POM121C: variants seen among roughly 807,000 people sequenced by gnomAD.
POM121C encodes the protein POM121 transmembrane nucleoporin C, also known as nuclear envelope pore membrane protein POM 121C.
Under a neutral mutation model 66.4 loss-of-function variants are expected in POM121C, and 20 were observed. That is an observed-to-expected ratio of 0.30 (90% CI 0.21 to 0.44). POM121C has a LOEUF of 0.44. Among genes scored for constraint, POM121C ranks in the 20% least tolerant of loss-of-function variants. The pLI is 1.00. For missense variants in POM121C, 580 were observed against 1,225.7 expected, an observed-to-expected ratio of 0.47 and a Z score of 7.87; for synonymous variants, 286 against 528.0, an observed-to-expected ratio of 0.54 and a Z score of 6.28.
In POM121C at chr7:75,424,516, T is replaced by C. The variant is rs782758104; in HGVS notation, c.871+10A>G. The C allele has an allele frequency of 2.5e-6, 4 of 1,612,928 alleles. No homozygotes were observed. In the South Asian group the frequency reaches 4.4e-5, roughly 18 times the overall value. On this transcript the variant is annotated intron_variant, in intron 11 of 14. Transcript: ENST00000615331. The stretch of plus-strand genomic sequence containing the variant: ...AACCTCTCGAGAGTGCAACGATCTG[T>C]GCTCCTTACCACTCTTGTCCTCCAA...
At chr7:75,482,139 C>A (rs1485874979) in intron 1 of POM121C, among the ~76,000 whole-genome samples, 2 of 151,948 alleles carry the variant, frequency 1.3e-5, no homozygotes, top group Admixed American at 6.6e-5. Context: ...GTAACATAAT[C>A]CAAACTGAGG....
At chr7:75,433,504 C>T (rs1235204724) in intron 7 of POM121C, among the ~76,000 whole-genome samples, 4 of 151,848 alleles carry the variant, frequency 2.6e-5, no homozygotes, top group East Asian at 3.9e-4. Context: ...TACAGGTGCC[C>T]GCCACCACGC....
At chr7:75,443,375 T>C (rs1436656187) in intron 3 of POM121C, among the ~76,000 whole-genome samples, 2 of 152,146 alleles carry the variant, frequency 1.3e-5, no homozygotes, top group Non-Finnish European at 2.9e-5. Context: ...TAAAATTAGA[T>C]TGTGTTGGCG....
intron 7 of POM121C, among the ~76,000 whole-genome samples, chr7:75,428,485 T>C (rs1790047312): frequency 6.6e-6 from 1 of 152,228 alleles, no homozygotes; most frequent in Non-Finnish European, 1.5e-5. Flanking sequence ...CAGTGGCTCA[T>C]GCCTGTAATC....
rs587607660 is a variant in POM121C, at chr7:75,479,509, A to G, written c.-457-4321T>C. On this transcript the variant is annotated intron_variant, in intron 1 of 14. Coordinates refer to ENST00000615331, the MANE Select transcript of POM121C (RefSeq NM_001099415.3). Reference sequence around the variant, plus strand: ...TGGGTGTCTGTAATCCCAGCTACCCAGGAGGCTGAGGCAGGAGAATCACTT... The same window carrying G: ...TGGGTGTCTGTAATCCCAGCTACCCGGGAGGCTGAGGCAGGAGAATCACTT... Among the ~76,000 whole-genome samples, 526 of 148,384 alleles carry G rather than the reference A, an allele frequency of 3.5e-3. 13 individuals carry two copies. The East Asian group carries it at 0.038, about 11-fold the overall frequency.
chr7:75,479,526 G>C (rs1352593101), intron 1 of POM121C, among the ~76,000 whole-genome samples: 2 of 147,612 alleles, frequency 1.4e-5, no homozygotes, highest in Non-Finnish European at 2.9e-5. Context: ...TGAGGCAGGA[G>C]AATCACTTGA....
chr7:75,420,301 C>A (rs1404504323), intron 13 of POM121C: 1 of 152,898 alleles, frequency 6.5e-6, no homozygotes, highest in Non-Finnish European at 1.5e-5. Context: ...GAATCTCCTG[C>A]AGGCACCACC....
chr7:75,419,477 C>G (rs1162453827), intron 13 of POM121C, 35 bp from the exon 14 acceptor site: 13 of 1,609,126 alleles, frequency 8.1e-6, no homozygotes, highest in Non-Finnish European at 1.0e-5. Flanking sequence ...AGCCAGTGAG[C>G]AGAGGGCGGA....
chr7:75,425,577 T>A, intron 9 of POM121C, 58 bp downstream of exon 9: 1 of 1,508,020 alleles, frequency 6.6e-7, no homozygotes, highest in South Asian at 1.2e-5. Flanking sequence ...AATCTCTACA[T>A]CCTCCACAAA....
At position 75,442,007 on chromosome 7, in the gene POM121C, A is replaced by C. The variant is rs1790668280; in HGVS notation, c.-151-360T>G. On this transcript the variant is annotated intron_variant, in intron 3 of 14. Coordinates refer to ENST00000615331, the MANE Select transcript of POM121C (RefSeq NM_001099415.3). ...AGAGGCCAGGAGACGGCTGGCACAC[A>C]CCAAGGTGTTAAGGAGGGCAAAACC... 5.1e-6 allele frequency: 3 copies of C among 592,294 alleles called. No homozygotes were observed. In the Admixed American group the frequency reaches 1.1e-4, roughly 21 times the overall value. 36.7% of individuals were successfully genotyped at this position (592,294 alleles called of 1,614,324 possible).
At chr7:75,421,430 A>C in intron 13 of POM121C, 79 bp downstream of exon 13, 1 of 1,595,572 alleles carries the variant, frequency 6.3e-7, no homozygotes, top group African/African-American at 1.3e-5. Context: ...CCACAGCATA[A>C]GCTCCCCGAG....
At chr7:75,465,137 G>A (rs1791580400) in intron 3 of POM121C, among the ~76,000 whole-genome samples, 1 of 151,484 alleles carries the variant, frequency 6.6e-6, no homozygotes, top group Admixed American at 6.6e-5. Flanking sequence ...TGGGATTACA[G>A]GCATGCGCCA....
chr7:75,434,646 T>G (rs1475031898), intron 7 of POM121C, among the ~76,000 whole-genome samples: 3 of 149,252 alleles, frequency 2.0e-5, no homozygotes, highest in Non-Finnish European at 4.4e-5. Context: ...GCAGTGGCGC[T>G]ATCTCTGCTC....
chr7:75,416,868 C>A lies in POM121C; in HGVS notation c.*1928G>T. 1.4e-6 allele frequency: 2 copies of A among 1,442,562 alleles called. No individual in the cohort carries two copies. The highest frequency in any genetic ancestry group is 3.0e-5 in the South Asian group (2 of 66,848). The allele number at this position is 1,442,562 out of a possible 1,614,324, so 89.4% of individuals were successfully genotyped here. ...TCATACTAAAAATTCCAACTAGACT[C>A]AACAGGAATGAAGTCTCTATTTGTA... On this transcript the variant is annotated 3_prime_UTR_variant, in exon 15 of 15. Coordinates refer to ENST00000615331, the MANE Select transcript of POM121C (RefSeq NM_001099415.3).
chr7:75,456,298 T>C (rs1554476287), intron 3 of POM121C, among the ~76,000 whole-genome samples: 2 of 152,276 alleles, frequency 1.3e-5, no homozygotes, highest in South Asian at 2.1e-4. Context: ...TCTTGTACTT[T>C]GGTGGGAGTT....
intron 3 of POM121C, among the ~76,000 whole-genome samples, chr7:75,469,668 A>G (rs71554679): frequency 6.6e-6 from 1 of 152,238 alleles, no homozygotes; most frequent in African/African-American, 2.4e-5. Flanking sequence ...TCACCAAGGC[A>G]TGACATGACT....
At chr7:75,436,583 G>C (rs1790421352) in intron 7 of POM121C, among the ~76,000 whole-genome samples, 1 of 152,072 alleles carries the variant, frequency 6.6e-6, no homozygotes, top group African/African-American at 2.4e-5. Flanking sequence ...AATTTTCCTT[G>C]TCTCAAAAAC....
At chr7:75,465,734 C>T (rs1289673853) in intron 3 of POM121C, among the ~76,000 whole-genome samples, 3 of 140,038 alleles carry the variant, frequency 2.1e-5, no homozygotes, top group Non-Finnish European at 4.6e-5. Flanking sequence ...GCCTGGGCCA[C>T]AGAGCAAGAC....
intron 3 of POM121C, among the ~76,000 whole-genome samples, chr7:75,466,368 G>A (rs782756079): frequency 2.0e-5 from 3 of 151,908 alleles, no homozygotes; most frequent in Non-Finnish European, 4.4e-5. Context: ...CACTTTGGGA[G>A]GCTGAGGTGG....
Sources: gnomAD v4.1 joint callset for allele counts (sites outside exome capture counted in the v4.1 genomes callset) on GRCh38, gnomAD v4.1.1 for gene constraint, MANE v1.5 for transcripts, NCBI Gene and HGNC (gene_info 2026-07-23, HGNC 2026-07-21) for gene names.